ZPBP: variants seen among roughly 807,000 people sequenced by gnomAD.
ZPBP encodes zona pellucida binding protein, also known as zona pellucida-binding protein 1.
Under a neutral mutation model 44.8 loss-of-function variants are expected in ZPBP, and 26 were observed. The observed-to-expected ratio is 0.58, with a 90% CI of 0.43 to 0.81. The LOEUF (loss-of-function observed/expected upper bound fraction) is 0.81. Ranked by LOEUF, ZPBP falls within the 30% of genes least tolerant of loss-of-function variation. ZPBP has a pLI of 0.00. For synonymous variants in ZPBP, 174 were observed against 153.2 expected, an observed-to-expected ratio of 1.14 and a Z score of -1.00; for missense variants, 409 against 434.0, an observed-to-expected ratio of 0.94 and a Z score of 0.51.
intron 4 of ZPBP, among the ~76,000 whole-genome samples, chr7:50,031,627 C>A (rs1043086086): frequency 6.6e-6 from 1 of 152,120 alleles, no homozygotes; most frequent in Admixed American, 6.5e-5. Flanking sequence ...AAGATTCTAA[C>A]TTACCGAGCC....
intron 4 of ZPBP, among the ~76,000 whole-genome samples, chr7:50,046,883 T>G (rs1265988202): frequency 1.3e-5 from 2 of 152,158 alleles, no homozygotes; most frequent in African/African-American, 4.8e-5. Context: ...TAGCAAAGAC[T>G]TAGAACCAAC....
chr7:49,923,415 A>G (rs1173475371), intron 1 of ZPBP, among the ~76,000 whole-genome samples: 3 of 152,348 alleles, frequency 2.0e-5, no homozygotes, highest in Admixed American at 2.0e-4. Context: ...AAACATCTTT[A>G]ATATGCTGAA....
At chr7:49,981,270 GATATAATATATATT>G (rs1016637717) in intron 7 of ZPBP, among the ~76,000 whole-genome samples, 130 of 53,820 alleles carry the variant, frequency 2.4e-3, no homozygotes, top group African/African-American at 3.1e-3. Context: ...ATATAGATCA[GATATAATATATATT>G]ATATAATATA....
chr7:50,087,781 A>C (rs1262970509), intron 2 of ZPBP, among the ~76,000 whole-genome samples: 1 of 152,060 alleles, frequency 6.6e-6, no homozygotes. Context: ...TAAAGATCTA[A>C]ATAAATTGAA....
chr7:49,858,710 A>AT (rs1442545858), intron 2 of ZPBP, among the ~76,000 whole-genome samples: 6 of 135,656 alleles, frequency 4.4e-5, no homozygotes, highest in Admixed American at 2.1e-4. Context: ...AATAATAATA[A>AT]AAAAAAGAAA....
chr7:49,999,347 G>A (rs1797997087), intron 6 of ZPBP, among the ~76,000 whole-genome samples: 1 of 151,780 alleles, frequency 6.6e-6, no homozygotes, highest in Non-Finnish European at 1.5e-5. Flanking sequence ...CTGGTGAGGA[G>A]AAAGATAGTC....
At chr7:49,980,008 T>C (rs1186147649) in intron 7 of ZPBP, among the ~76,000 whole-genome samples, 12 of 99,520 alleles carry the variant, frequency 1.2e-4, no homozygotes, top group Non-Finnish European at 1.6e-4. Flanking sequence ...ATATATTATA[T>C]ATATTATAAT....
At chr7:49,980,277 T>C (rs10248428) in intron 7 of ZPBP, among the ~76,000 whole-genome samples, 36,720 of 113,268 alleles carry the variant, frequency 0.32, 5,973 homozygotes, top group Non-Finnish European at 0.39. Context: ...AAATATATAA[T>C]ATATATAATA....
At chr7:49,887,026 T>G (rs1024242610) in intron 2 of ZPBP, among the ~76,000 whole-genome samples, 18 of 152,234 alleles carry the variant, frequency 1.2e-4, no homozygotes, top group Non-Finnish European at 1.9e-4. Context: ...AGTACTTTTT[T>G]GCAGAAGATT....
At chr7:49,895,211 G>A (rs1792324152) in intron 2 of ZPBP, among the ~76,000 whole-genome samples, 1 of 152,148 alleles carries the variant, frequency 6.6e-6, no homozygotes, top group African/African-American at 2.4e-5. Flanking sequence ...GTGGGCAGGG[G>A]AGGGATGGAA....
intron 2 of ZPBP, among the ~76,000 whole-genome samples, chr7:49,867,629 C>G (rs1047303948): frequency 2.6e-5 from 4 of 152,148 alleles, no homozygotes; most frequent in African/African-American, 9.7e-5. Context: ...CTGAGGCATT[C>G]ACCCTCCTGA....
chr7:50,060,900 T>C (rs6583422), intron 3 of ZPBP, among the ~76,000 whole-genome samples: 126,197 of 152,162 alleles, frequency 0.83, 52,373 homozygotes, highest in East Asian at 0.88. Context: ...AACATAGATG[T>C]AAAAATCCTC....
intron 2 of ZPBP, 106 bp from the exon 3 acceptor site, chr7:50,082,005 T>C: frequency 7.7e-7 from 1 of 1,291,774 alleles, no homozygotes; most frequent in East Asian, 2.5e-5. Context: ...AAGAGTACTT[T>C]GAATTATTGC....
At chr7:49,925,615 G>A (rs750547509) in intron 1 of ZPBP, among the ~76,000 whole-genome samples, 11 of 152,220 alleles carry the variant, frequency 7.2e-5, no homozygotes, top group Non-Finnish European at 1.5e-5. Context: ...TAAGGTACAT[G>A]TTTTCTGCTG....
chr7:50,058,826 T>C (rs1283060510), intron 3 of ZPBP, among the ~76,000 whole-genome samples: 1 of 151,636 alleles, frequency 6.6e-6, no homozygotes, highest in Non-Finnish European at 1.5e-5. Flanking sequence ...GGGAGAAAGC[T>C]ATGTTGTGAA....
At chr7:49,873,308 C>T (rs1055901263) in intron 2 of ZPBP, among the ~76,000 whole-genome samples, 9 of 152,156 alleles carry the variant, frequency 5.9e-5, no homozygotes, top group African/African-American at 1.9e-4. Flanking sequence ...GGGCCTGCTT[C>T]CTGGTTCATG....
chr7:49,854,485 G>A (rs1790333012), intron 2 of ZPBP, among the ~76,000 whole-genome samples: 1 of 152,126 alleles, frequency 6.6e-6, no homozygotes. Flanking sequence ...ATTTTTTCAT[G>A]TGTCTGTTGG....
At chr7:49,982,965 G>A (rs534725085) in intron 7 of ZPBP, among the ~76,000 whole-genome samples, 2 of 151,966 alleles carry the variant, frequency 1.3e-5, no homozygotes, top group East Asian at 3.9e-4. Context: ...TCACAAGGAA[G>A]GAAAAAGTCA....
intron 7 of ZPBP, among the ~76,000 whole-genome samples, chr7:49,949,238 G>T (rs1243537208): frequency 1.3e-5 from 2 of 152,058 alleles, no homozygotes; most frequent in African/African-American, 2.4e-5. Context: ...AATTTCTGTT[G>T]TTTAAGCCAC....
Sources: gnomAD v4.1 joint callset for allele counts (sites outside exome capture counted in the v4.1 genomes callset) on GRCh38, gnomAD v4.1.1 for gene constraint, MANE v1.5 for transcripts, NCBI Gene and HGNC (gene_info 2026-07-23, HGNC 2026-07-21) for gene names.